The following CXCL13 variants were observed in gnomAD, a reference collection of about 807,000 sequenced individuals.
The protein encoded by CXCL13 is C-X-C motif chemokine ligand 13, also known as C-X-C motif chemokine 13.
In CXCL13, 7 loss-of-function variants were observed where a neutral mutation model predicts 12.2. The ratio of observed to expected loss-of-function variants is 0.57; its 90% CI spans 0.33 to 1.07. CXCL13 has a LOEUF of 1.07. Among genes scored for constraint, CXCL13 ranks in the 50% least tolerant of loss-of-function variants. The pLI is 0.04. For missense variants in CXCL13, 113 were observed against 127.4 expected (o/e 0.89, Z 0.55); for synonymous variants, 47 against 42.4 (o/e 1.11, Z -0.42).
chr4:77,535,205 C>A (rs928234546), intron 1 of CXCL13, among the ~76,000 whole-genome samples: 3 of 152,128 alleles, frequency 2.0e-5, no homozygotes, highest in Non-Finnish European at 4.4e-5. Flanking sequence ...GAACTGGGGG[C>A]CTTTAGGAAC....
intron 1 of CXCL13, among the ~76,000 whole-genome samples, chr4:77,538,553 C>A (rs1725121555): frequency 6.6e-6 from 1 of 151,516 alleles, no homozygotes; most frequent in Non-Finnish European, 1.5e-5. Flanking sequence ...ATTAGGCTGG[C>A]TAATTTGAAG....
chr4:77,517,380 T>C (rs552706802), intron 1 of CXCL13, among the ~76,000 whole-genome samples: 1 of 152,310 alleles, frequency 6.6e-6, no homozygotes, highest in Admixed American at 6.5e-5. Flanking sequence ...TTCTGTCTCA[T>C]TGATCTGTCT....
rs112343353 is a variant in CXCL13, at chr4:77,546,977, C to T, written c.-43+35189C>T. Among the ~76,000 whole-genome samples, 432 of 152,288 alleles carry T rather than the reference C, an allele frequency of 2.8e-3. 7 individuals carry two copies. Among genetic ancestry groups the T allele is most frequent in the African/African-American group, 1.0e-2 (414 of 41,554 alleles). The stretch of plus-strand genomic sequence containing the variant: ...TTAGTTTCAAAGAAGATCTTTATTT[C>T]TGCCTTCATTTCATTATGTACCCAG... On this transcript the variant is annotated intron_variant, in intron 1 of 4. Coordinates refer to the CXCL13 transcript ENST00000286758.
At chr4:77,610,058 T>C (rs939996069) in intron 2 of CXCL13, among the ~76,000 whole-genome samples, 8 of 152,226 alleles carry the variant, frequency 5.3e-5, no homozygotes, top group Non-Finnish European at 8.8e-5. Context: ...CCACTTTTGC[T>C]ATTGCTTAAT....
chr4:77,538,914 G>T (rs922208709), intron 1 of CXCL13, among the ~76,000 whole-genome samples: 3 of 152,212 alleles, frequency 2.0e-5, no homozygotes, highest in African/African-American at 7.2e-5. Context: ...GAATGAATTT[G>T]AGGGGCATAA....
chr4:77,610,570 A>G, intron 2 of CXCL13, 44 bp from the exon 3 acceptor site: 1 of 1,384,542 alleles, frequency 7.2e-7, no homozygotes, highest in African/African-American at 1.4e-5. Context: ...TATAGGATTG[A>G]CTAAAATGTA....
intron 1 of CXCL13, among the ~76,000 whole-genome samples, chr4:77,572,969 C>A (rs1429750682): frequency 6.6e-6 from 1 of 151,404 alleles, no homozygotes; most frequent in Non-Finnish European, 1.5e-5. Context: ...TTATCCTCAG[C>A]AAACTAACAC....
chr4:77,584,020 A>G (rs1294967829), intron 1 of CXCL13, among the ~76,000 whole-genome samples: 1 of 152,206 alleles, frequency 6.6e-6, no homozygotes, highest in Non-Finnish European at 1.5e-5. Context: ...CCCAGTGGAA[A>G]TGGGCTAAGG....
At chr4:77,541,657 C>G (rs1263467464) in intron 1 of CXCL13, among the ~76,000 whole-genome samples, 4 of 152,020 alleles carry the variant, frequency 2.6e-5, no homozygotes. Context: ...ATGGCTCTGG[C>G]TTTTTTCTTT....
At chr4:77,604,394 A>G (rs531489254), upstream of CXCL13, among the ~76,000 whole-genome samples, 12 of 152,196 alleles carry the variant, frequency 7.9e-5, no homozygotes, top group South Asian at 2.5e-3. Context: ...CTTTTACTCC[A>G]ATGTCCATCT....
chr4:77,538,968 T>A (rs908063940), intron 1 of CXCL13, among the ~76,000 whole-genome samples: 6 of 152,152 alleles, frequency 3.9e-5, no homozygotes, highest in African/African-American at 1.2e-4. Flanking sequence ...GAGTGAAAGT[T>A]TATTAAGCTT....
intron 1 of CXCL13, among the ~76,000 whole-genome samples, chr4:77,567,996 C>G (rs147522730): frequency 6.6e-6 from 1 of 152,368 alleles, no homozygotes; most frequent in East Asian, 1.9e-4. Flanking sequence ...TCACTTTACT[C>G]TGTCCACTTG....
chr4:77,546,391 T>C (rs184538328), intron 1 of CXCL13, among the ~76,000 whole-genome samples: 13 of 152,300 alleles, frequency 8.5e-5, no homozygotes, highest in African/African-American at 3.1e-4. Context: ...ACTTTTTTGG[T>C]TGGTAGGCTA....
At chr4:77,530,048 C>T (rs1724866861) in intron 1 of CXCL13, among the ~76,000 whole-genome samples, 1 of 152,136 alleles carries the variant, frequency 6.6e-6, no homozygotes, top group African/African-American at 2.4e-5. Context: ...TGGTTTTTGT[C>T]ATTGGTTCTT....
chr4:77,519,382 C>T (rs973724033), intron 1 of CXCL13, among the ~76,000 whole-genome samples: 8 of 152,162 alleles, frequency 5.3e-5, no homozygotes, highest in East Asian at 1.9e-4. Flanking sequence ...AGCTGTAGAC[C>T]GGAGCTGTTC....
At chr4:77,535,494 A>G (rs949808538) in intron 1 of CXCL13, among the ~76,000 whole-genome samples, 1 of 152,164 alleles carries the variant, frequency 6.6e-6, no homozygotes, top group Non-Finnish European at 1.5e-5. Flanking sequence ...CATTCTTACC[A>G]TGAAGTGATG....
chr4:77,513,667 T>A (rs1724328623), intron 1 of CXCL13, among the ~76,000 whole-genome samples: 1 of 152,112 alleles, frequency 6.6e-6, no homozygotes, highest in Non-Finnish European at 1.5e-5. Flanking sequence ...TTAGCCAGGA[T>A]GGCCTCCATC....
At chr4:77,555,401 G>A (rs756984310) in intron 1 of CXCL13, among the ~76,000 whole-genome samples, 18 of 152,010 alleles carry the variant, frequency 1.2e-4, no homozygotes, top group Non-Finnish European at 2.1e-4. Context: ...GAAATTTAAT[G>A]TGCCAAAGTA....
chr4:77,515,798 T>C (rs1161428947), intron 1 of CXCL13, among the ~76,000 whole-genome samples: 1 of 152,226 alleles, frequency 6.6e-6, no homozygotes, highest in African/African-American at 2.4e-5. Context: ...ATACCCTTTA[T>C]TTCCTTCTCC....
Sources: gnomAD v4.1 joint callset for allele counts (sites outside exome capture counted in the v4.1 genomes callset) on GRCh38, gnomAD v4.1.1 for gene constraint, MANE v1.5 for transcripts, NCBI Gene and HGNC (gene_info 2026-07-23, HGNC 2026-07-21) for gene names.